Variants in SLC36A1 observed in about 807,000 individuals in gnomAD.
SLC36A1 encodes the protein proton-coupled amino acid transporter 1.
A neutral mutation model predicts 47.5 loss-of-function variants in SLC36A1; 30 were observed. The observed-to-expected ratio is 0.63, with a 90% CI of 0.47 to 0.86. SLC36A1 has a LOEUF of 0.86. Ranked by LOEUF, SLC36A1 falls within the 40% of genes least tolerant of loss-of-function variation. SLC36A1 has a pLI of 0.00. For synonymous variants in SLC36A1, 255 were observed against 249.7 expected, an observed-to-expected ratio of 1.02 and a Z score of -0.20; for missense variants, 517 against 606.0, an observed-to-expected ratio of 0.85 and a Z score of 1.54.
chr5:151,529,529 C>T, the SLC36A1 span: 3 of 660,950 alleles, frequency 4.5e-6, no homozygotes, highest in Non-Finnish European at 8.1e-6. Context: ...ATCTCCCCAT[C>T]CATCTCCCTT....
chr5:151,497,118 T>G (rs1201812535), downstream of SLC36A1, among the ~76,000 whole-genome samples: 1 of 152,204 alleles, frequency 6.6e-6, no homozygotes, highest in African/African-American at 2.4e-5. Flanking sequence ...CTTTCTTTCT[T>G]TTTTGTCATA....
the SLC36A1 span, among the ~76,000 whole-genome samples, chr5:151,408,398 A>G: frequency 6.6e-6 from 1 of 152,160 alleles, no homozygotes; most frequent in African/African-American, 2.4e-5. Flanking sequence ...CATATTAGCC[A>G]GGCTGGTCTT....
the SLC36A1 span, among the ~76,000 whole-genome samples, chr5:151,361,290 C>G: frequency 1.3e-5 from 2 of 152,100 alleles, no homozygotes; most frequent in African/African-American, 2.4e-5. Flanking sequence ...TATAATTGGA[C>G]AATATGATGA....
intron 1 of SLC36A1, among the ~76,000 whole-genome samples, chr5:151,456,326 T>C (rs1188143285): frequency 6.6e-6 from 1 of 152,210 alleles, no homozygotes; most frequent in Non-Finnish European, 1.5e-5. Flanking sequence ...GCATAAATAA[T>C]TATGTTCATT....
At chr5:151,385,791 G>A in the SLC36A1 span, among the ~76,000 whole-genome samples, 2 of 151,646 alleles carry the variant, frequency 1.3e-5, no homozygotes, top group Non-Finnish European at 2.9e-5. Context: ...TACCATTTTT[G>A]CACACAATTC....
chr5:151,404,933 A>T, the SLC36A1 span, among the ~76,000 whole-genome samples: 7 of 152,132 alleles, frequency 4.6e-5, no homozygotes, highest in Admixed American at 2.6e-4. Flanking sequence ...TTGCACATAG[A>T]CTTCTCTAGT....
At chr5:151,494,066 G>C (rs1388695022), downstream of SLC36A1, among the ~76,000 whole-genome samples, 2 of 151,968 alleles carry the variant, frequency 1.3e-5, no homozygotes, top group African/African-American at 4.8e-5. Flanking sequence ...ATACCTAATG[G>C]CTGGAACCCC....
chr5:151,448,856 T>G (rs1753203323), intron 1 of SLC36A1, among the ~76,000 whole-genome samples: 2 of 152,166 alleles, frequency 1.3e-5, no homozygotes, highest in Admixed American at 1.3e-4. Context: ...TGGAATTGAA[T>G]TCTTAAGGGC....
In SLC36A1 at chr5:151,441,261, A is replaced by C. The variant is rs1442868546; in HGVS notation, c.-6+4082A>C. ...GCTGTAGTGTGCTATGATCACTCCA[A>C]TATGGGCAACATAGCAAGACCTCAT... On this transcript the variant is annotated intron_variant, in intron 1 of 8. Transcript: ENST00000429484. 2.6e-5 allele frequency among the ~76,000 whole-genome samples: 4 copies of C among 152,214 alleles called. No individual in the cohort carries two copies. In the East Asian group the frequency reaches 7.7e-4, roughly 29 times the overall value.
the SLC36A1 span, among the ~76,000 whole-genome samples, chr5:151,408,061 C>T: frequency 1.3e-5 from 2 of 152,194 alleles, no homozygotes; most frequent in South Asian, 2.1e-4. Flanking sequence ...ATAAGGAAAT[C>T]GAGGCTCACG....
chr5:151,454,408 G>A (rs1250265062), intron 1 of SLC36A1, among the ~76,000 whole-genome samples: 1 of 152,142 alleles, frequency 6.6e-6, no homozygotes, highest in Non-Finnish European at 1.5e-5. Flanking sequence ...GAGAGCAGGA[G>A]GAGGAGGCCT....
At chr5:151,480,226 T>A (rs1758628105) in intron 10 of SLC36A1, 1 of 486,994 alleles carries the variant, frequency 2.1e-6, no homozygotes, top group Admixed American at 4.1e-5. Flanking sequence ...AGATTTGCAA[T>A]TGTTTTCCAA....
chr5:151,456,210 T>G (rs996108423), intron 1 of SLC36A1, among the ~76,000 whole-genome samples: 1 of 152,202 alleles, frequency 6.6e-6, no homozygotes, highest in African/African-American at 2.4e-5. Flanking sequence ...GGTCTCACTA[T>G]GGTGCCCAGG....
Position 151,467,735 on chromosome 5 carries a change from A to G in SLC36A1, c.533A>G (p.Asn178Ser). ...QVIEAANGTTNNCHNNETVIL... is the reference protein window; with the variant it reads ...QVIEAANGTTSNCHNNETVIL... ...ATAGAAGCGGCCAATGGGACCACCA[A>G]TAACTGCCACAACAATGAGACGGTG... Residue 178 changes from asparagine (N) to serine (S), a missense_variant, in exon 7 of 11, where the codon AAT becomes AGT. Transcript: ENST00000243389. The G allele has an allele frequency of 6.2e-7, 1 of 1,614,014 alleles. No individual in the cohort carries two copies. Among genetic ancestry groups the G allele is most frequent in the Non-Finnish European group, 8.5e-7 (1 of 1,179,990 alleles).
chr5:151,464,339 C>G (rs1031028273), intron 3 of SLC36A1, among the ~76,000 whole-genome samples, 175 bp from the exon 4 acceptor site: 2 of 152,232 alleles, frequency 1.3e-5, no homozygotes. Flanking sequence ...TAACACCCAT[C>G]TCACAGAGCT....
At chr5:151,367,361 A>ATATT in the SLC36A1 span, among the ~76,000 whole-genome samples, 3 of 118,866 alleles carry the variant, frequency 2.5e-5, no homozygotes, top group Non-Finnish European at 5.2e-5. Context: ...CCAGGAATGC[A>ATATT]TTTTTTTTTT....
At position 151,490,869 on chromosome 5, in the gene SLC36A1, C is replaced by T. The variant is rs887411641; in HGVS notation, c.*2615C>T. Reference sequence around the variant, plus strand: ...TTATGCAAGCAGCTCGCAGCCAGCCCAGAATCTCTTATGCAGCCCAAAGGG... The same window carrying T: ...TTATGCAAGCAGCTCGCAGCCAGCCTAGAATCTCTTATGCAGCCCAAAGGG... On this transcript the variant is annotated 3_prime_UTR_variant, in exon 11 of 11. Transcript: ENST00000243389. The T allele has an allele frequency of 1.3e-5, 2 of 152,412 alleles. No individual in the cohort carries two copies. Among genetic ancestry groups the T allele is most frequent in the Non-Finnish European group, 2.9e-5 (2 of 68,242 alleles). The allele number at this position is 152,412 out of a possible 1,614,324, so 9.4% of individuals were successfully genotyped here.
At chr5:151,348,716 G>A in the SLC36A1 span, among the ~76,000 whole-genome samples, 1 of 152,330 alleles carries the variant, frequency 6.6e-6, no homozygotes, top group African/African-American at 2.4e-5. Flanking sequence ...CTGTGGGTTA[G>A]CTTTGTTAGT....
At chr5:151,537,959 A>G in the SLC36A1 span, 1 of 1,612,820 alleles carries the variant, frequency 6.2e-7, no homozygotes, top group Non-Finnish European at 8.5e-7. Context: ...AGAGATGGAA[A>G]GACAAAGAAG....
Sources: allele counts gnomAD v4.1 joint callset (sites outside exome capture counted in the v4.1 genomes callset), GRCh38; gene constraint gnomAD v4.1.1; transcripts MANE v1.5; gene names NCBI Gene and HGNC (gene_info 2026-07-23, HGNC 2026-07-21).